The following SIM2 variants were observed in gnomAD, a reference collection of about 807,000 sequenced individuals.
SIM2 encodes the protein SIM bHLH transcription factor 2, also known as single-minded homolog 2.
A neutral mutation model predicts 64.8 loss-of-function variants in SIM2; 28 were observed. That is an observed-to-expected ratio of 0.43 (90% CI 0.32 to 0.59). The LOEUF is 0.59. SIM2 is among the 20% of genes least tolerant of loss of function. The pLI is 0.07. For missense variants in SIM2, 847 were observed against 871.4 expected, an observed-to-expected ratio of 0.97 and a Z score of 0.35; for synonymous variants, 408 against 391.1, an observed-to-expected ratio of 1.04 and a Z score of -0.51.
intron 3 of SIM2, among the ~76,000 whole-genome samples, chr21:36,715,186 C>G (rs140264990): frequency 1.3e-5 from 2 of 152,142 alleles, no homozygotes; most frequent in East Asian, 3.8e-4. Flanking sequence ...GAGCGTTCCA[C>G]GGTGAACTGT....
intron 6 of SIM2, among the ~76,000 whole-genome samples, chr21:36,727,464 A>T (rs2123466686): frequency 6.6e-6 from 1 of 152,338 alleles, no homozygotes; most frequent in South Asian, 2.1e-4. Context: ...ACCCCTCCCA[A>T]GTCTTGAGGC....
chr21:36,741,579 C>T lies in SIM2; in HGVS notation c.851-138C>T, dbSNP rs961774091. On this transcript the variant is annotated intron_variant, in intron 7 of 10. Coordinates refer to ENST00000290399, the MANE Select transcript of SIM2 (RefSeq NM_005069.6). ...CACGCACGAGACGCACACAGACATG[C>T]ACCCTCCAGCGGAGAAAGCCCGCCC... 6 of 896,448 alleles carry T rather than the reference C, an allele frequency of 6.7e-6. No homozygotes were observed. In the East Asian group the frequency reaches 1.3e-4, roughly 19 times the overall value. The allele number at this position is 896,448 out of a possible 1,614,324, so 55.5% of individuals were successfully genotyped here.
intron 6 of SIM2, among the ~76,000 whole-genome samples, 180 bp from the exon 7 acceptor site, chr21:36,730,865 C>G (rs141437102): frequency 6.6e-6 from 1 of 152,170 alleles, no homozygotes; most frequent in Non-Finnish European, 1.5e-5. Context: ...AGTGCTACAT[C>G]CTGCACCGGG....
intron 3 of SIM2, among the ~76,000 whole-genome samples, chr21:36,715,238 C>A (rs765907449): frequency 2.6e-5 from 4 of 152,142 alleles, no homozygotes; most frequent in Non-Finnish European, 5.9e-5. Context: ...TCCCCCTGTT[C>A]ATGATTAACT....
rs536057056 is a variant in SIM2, at chr21:36,699,276, C to G, written c.-471C>G. ...GCCCCAGCCGCCTGCGACTCGCTCC[C>G]CTCCGCTGGGCTCCCGCTCCATGGC... is the stretch of plus-strand genomic sequence containing the variant. On this transcript the variant is annotated 5_prime_UTR_variant, in exon 1 of 11. Coordinates refer to ENST00000290399, the MANE Select transcript of SIM2 (RefSeq NM_005069.6). This position sits in a 1 kb window ranked among gnomAD's most constrained non-coding sequence, Gnocchi z 5.6. The G allele has an allele frequency of 7.4e-3, 1,126 of 151,850 alleles. 12 individuals are homozygous for G. The highest frequency in any genetic ancestry group is 0.025 in the African/African-American group (1,041 of 41,390). The allele number at this position is 151,850 out of a possible 1,614,324, so 9.4% of individuals were successfully genotyped here.
intron 1 of SIM2, among the ~76,000 whole-genome samples, chr21:36,705,451 G>A (rs1179012605): frequency 2.6e-5 from 4 of 152,248 alleles, no homozygotes; most frequent in African/African-American, 9.6e-5. Context: ...GTAATTGGGG[G>A]AGGAGAGGCC....
rs372486390 is a variant in SIM2, at chr21:36,719,883, C to T, written c.411C>T (p.Thr137=). The change falls in exon 4 of 11, where the codon ACC becomes ACT. Residue 137 remains threonine (T), a synonymous_variant. Coordinates refer to ENST00000290399, the MANE Select transcript of SIM2 (RefSeq NM_005069.6). Reference sequence around the variant, plus strand: ...ATCCTTCTGACCACGATGAGATGACCGCTGTCCTCACGGCCCACCAGCCGC... The same window carrying T: ...ATCCTTCTGACCACGATGAGATGACTGCTGTCCTCACGGCCCACCAGCCGC... ...YIHPSDHDEM[T]AVLTAHQPLH... The T allele has an allele frequency of 2.5e-5, 41 of 1,613,292 alleles. No individual in the cohort carries two copies. Among genetic ancestry groups the T allele is most frequent in the African/African-American group, 8.0e-5 (6 of 74,838 alleles).
intron 2 of SIM2, among the ~76,000 whole-genome samples, chr21:36,711,539 T>A (rs1178340579): frequency 6.6e-6 from 1 of 152,242 alleles, no homozygotes; most frequent in Non-Finnish European, 1.5e-5. Flanking sequence ...TACATTCTTT[T>A]TAGCCCCCTC....
intron 7 of SIM2, among the ~76,000 whole-genome samples, chr21:36,737,787 C>G (rs2123489631): frequency 6.6e-6 from 1 of 151,842 alleles, no homozygotes; most frequent in Non-Finnish European, 1.5e-5. Context: ...TGGTGAAACC[C>G]CGTCTCTACT....
In SIM2 at chr21:36,731,055, G is replaced by A. The variant is rs1448088980; in HGVS notation, c.754G>A (p.Val252Met). ...LIFLDSRVTE[V>M]TGYEPQDLIE... ...GCCATGCCCCCACAGGGTGACCGAGGTGACGGGGTACGAGCCGCAGGACCT... is the reference window on the plus strand; with the variant it reads ...GCCATGCCCCCACAGGGTGACCGAGATGACGGGGTACGAGCCGCAGGACCT... The change falls in exon 7 of 11, where the codon GTG (valine) becomes ATG (methionine). Residue 252 changes from valine (V) to methionine (M), a missense_variant. By Grantham distance (21) the Val-to-Met change is conservative. Coordinates refer to ENST00000290399, the MANE Select transcript of SIM2 (RefSeq NM_005069.6). 6.2e-7 allele frequency: 1 copy of A among 1,613,784 alleles called. No homozygotes were observed. Among genetic ancestry groups the A allele is most frequent in the African/African-American group, 1.3e-5 (1 of 74,900 alleles).
chr21:36,735,880 G>A (rs2089039846), intron 7 of SIM2, among the ~76,000 whole-genome samples: 1 of 152,174 alleles, frequency 6.6e-6, no homozygotes, highest in African/African-American at 2.4e-5. Flanking sequence ...TGTTAGTCCT[G>A]TCACACAGTG....
rs768426589 is a variant in SIM2, at chr21:36,741,772, C to T, written c.906C>T (p.Gly302=). 4.3e-6 allele frequency: 7 copies of T among 1,612,940 alleles called. No homozygotes were observed. The highest frequency in any genetic ancestry group is 2.2e-5 in the East Asian group (1 of 44,888). ...ACTACCGGCTGCTGTCCAAGCGGGGCGGCTGGGTGTGGGTGCAGAGCTACG... is the reference window on the plus strand; with the variant it reads ...ACTACCGGCTGCTGTCCAAGCGGGGTGGCTGGGTGTGGGTGCAGAGCTACG... ...TKYYRLLSKR[G]GWVWVQSYAT... is the part of the protein sequence containing the mutation. Residue 302 remains glycine (G), a synonymous_variant, in exon 8 of 11, where the codon GGC becomes GGT. Coordinates refer to ENST00000290399, the MANE Select transcript of SIM2 (RefSeq NM_005069.6).
At chr21:36,730,929 TCAA>T in intron 6 of SIM2, 113 bp from the exon 7 acceptor site, 1 of 713,800 alleles carries the variant, frequency 1.4e-6, no homozygotes, top group East Asian at 2.6e-5. Flanking sequence ...GTTTCCAAAA[TCAA>T]CATTTCCCGC....
At chr21:36,704,774 G>C (rs1208792031) in intron 1 of SIM2, among the ~76,000 whole-genome samples, 1 of 152,250 alleles carries the variant, frequency 6.6e-6, no homozygotes, top group Non-Finnish European at 1.5e-5. Context: ...AGCCGGGCCA[G>C]GCTAGGAGCC....
chr21:36,736,839 CTCTTTCTTTTCTT>C (rs2089061574), intron 7 of SIM2, among the ~76,000 whole-genome samples: 1 of 95,726 alleles, frequency 1.0e-5, no homozygotes, highest in Admixed American at 1.1e-4. Flanking sequence ...TTCTTTCTTT[CTCTTTCTTTTCTT>C]TCTTTCTTTT....
chr21:36,704,158 T>G (rs1169400973), intron 1 of SIM2, among the ~76,000 whole-genome samples: 1 of 152,156 alleles, frequency 6.6e-6, no homozygotes. Context: ...GCCTTTGGGT[T>G]TAAATTCAGC....
Position 36,743,461 on chromosome 21 carries a change from C to T in SIM2, c.1073C>T (p.Thr358Ile). 2 of 1,614,046 alleles carry T rather than the reference C, an allele frequency of 1.2e-6. No individual in the cohort carries two copies. The highest frequency in any genetic ancestry group is 2.2e-5 in the South Asian group (2 of 91,074). Reference protein sequence around the residue: ...STAKSQDSWRTALSTSQETRK... With the variant: ...STAKSQDSWRIALSTSQETRK... ...GCCAAGTCCCAGGACTCCTGGAGGA[C>T]CGCCTTGTCTACCTCACAAGAAACT... Residue 358 changes from threonine (T) to isoleucine (I), a missense_variant, in exon 9 of 11, where the codon ACC (threonine) becomes ATC (isoleucine). Physicochemically the swap from Thr to Ile is moderately conservative, Grantham distance 89. Coordinates refer to ENST00000290399, the MANE Select transcript of SIM2 (RefSeq NM_005069.6).
Position 36,726,226 on chromosome 21 carries a change from G to C in SIM2, c.651G>C (p.Leu217=), listed in dbSNP as rs768360099. The part of the protein sequence containing the change: ...IVGLVAVGQS[L]PPSAITEIKL... ...GGCTGGTGGCCGTGGGCCAGTCGCT[G>C]CCACCCAGTGCCATCACCGAGATCA... is the stretch of plus-strand genomic sequence containing the variant. Residue 217 remains leucine, a synonymous_variant, in exon 6 of 11, where the codon CTG becomes CTC. Transcript: ENST00000290399. The surrounding 1 kb of genome is among the most constrained non-coding windows in gnomAD (Gnocchi z 4.5). The C allele has an allele frequency of 6.2e-7, 1 of 1,613,620 alleles. No individual in the cohort carries two copies. The highest frequency in any genetic ancestry group is 8.5e-7 in the Non-Finnish European group (1 of 1,180,024).
intron 7 of SIM2, among the ~76,000 whole-genome samples, chr21:36,740,087 C>T (rs573770896): frequency 1.2e-4 from 18 of 149,624 alleles, no homozygotes; most frequent in African/African-American, 2.9e-4. Context: ...ATAGATTAGC[C>T]GGTGTCACCT....
Sources: allele counts gnomAD v4.1 joint callset (sites outside exome capture counted in the v4.1 genomes callset), GRCh38; gene constraint gnomAD v4.1.1; non-coding constraint Gnocchi (gnomAD v3.1); transcripts MANE v1.5; gene names NCBI Gene and HGNC (gene_info 2026-07-23, HGNC 2026-07-21).